Variants in FAAH observed in about 807,000 individuals in gnomAD.
FAAH encodes fatty-acid amide hydrolase 1.
In FAAH, 63 loss-of-function variants were observed where a neutral mutation model predicts 69.7. That is an observed-to-expected ratio of 0.90 (90% CI 0.74 to 1.12). FAAH has a LOEUF of 1.12. Among genes scored for constraint, FAAH ranks in the 50% most tolerant of loss-of-function variants. The pLI is 0.00. For synonymous variants in FAAH, 305 were observed against 324.2 expected, an observed-to-expected ratio of 0.94 and a Z score of 0.64; for missense variants, 680 against 755.0, an observed-to-expected ratio of 0.90 and a Z score of 1.16.
chr1:46,413,620 C>T lies in FAAH; in HGVS notation c.*45C>T. 1 of 1,613,326 alleles carries T rather than the reference C, an allele frequency of 6.2e-7. No homozygotes were observed. Among genetic ancestry groups the T allele is most frequent in the East Asian group, 2.2e-5 (1 of 44,874 alleles). On this transcript the variant is annotated 3_prime_UTR_variant, in exon 15 of 15. Coordinates refer to ENST00000243167, the MANE Select transcript of FAAH (RefSeq NM_001441.3). ...CCTGAGACTCACACTCTCTGCAGCCCAGCCTAGTCAGGGCACAGCTGCCCT... is the reference window on the plus strand; with the variant it reads ...CCTGAGACTCACACTCTCTGCAGCCTAGCCTAGTCAGGGCACAGCTGCCCT...
At chr1:46,412,359 G>T (rs1172451821) in intron 13 of FAAH, 108 bp downstream of exon 13, 2 of 947,620 alleles carry the variant, frequency 2.1e-6, no homozygotes, top group Middle Eastern at 3.0e-4. Context: ...CCCTCTCGGG[G>T]CCCACAGTCT....
intron 7 of FAAH, 127 bp from the exon 8 acceptor site, chr1:46,408,332 G>A: frequency 1.6e-6 from 2 of 1,249,044 alleles, no homozygotes; most frequent in South Asian, 2.4e-5. Context: ...AGATGCAGAA[G>A]GGGCTGGCCT....
At position 46,405,386 on chromosome 1, in the gene FAAH, G is replaced by T. The variant is rs771224976; in HGVS notation, c.459G>T (p.Thr153=). Residue 153 remains threonine, a synonymous_variant, in exon 4 of 15, where the codon ACG becomes ACT. Coordinates refer to ENST00000243167, the MANE Select transcript of FAAH (RefSeq NM_001441.3). The surrounding 1 kb of genome is among the most constrained non-coding windows in gnomAD (Gnocchi z 4.1). The part of the protein sequence containing the change: ...ECFTYKGQDS[T]LGLSLNEGVP... ...CCTCCTCCCAGGGCCAGGACTCCAC[G>T]CTGGGCTTGAGCCTGAATGAAGGGG... 8 of 1,611,384 alleles carry T rather than the reference G, an allele frequency of 5.0e-6. No individual in the cohort carries two copies. The Admixed American group carries it at 6.7e-5, about 13-fold the overall frequency.
chr1:46,403,287 T>C (rs1296940720), intron 2 of FAAH, among the ~76,000 whole-genome samples: 4 of 152,048 alleles, frequency 2.6e-5, no homozygotes, highest in Admixed American at 2.6e-4. Context: ...TGCACCCCCA[T>C]GCTTGGCTAA....
In FAAH at chr1:46,410,798, C is replaced by A; in HGVS notation, c.1276-16C>A. ...GCCCAGAGCTGAGTCACCGACCCTG[C>A]GTCTGTCCTGTGCAGCTGCCAAGGC... On this transcript the variant is annotated splice_polypyrimidine_tract_variant and intron_variant, in intron 10 of 14. Transcript: ENST00000243167. The surrounding 1 kb of genome is among the most constrained non-coding windows in gnomAD (Gnocchi z 4.9). 6.2e-7 allele frequency: 1 copy of A among 1,614,146 alleles called. No individual in the cohort carries two copies. The highest frequency in any genetic ancestry group is 8.5e-7 in the Non-Finnish European group (1 of 1,180,004).
chr1:46,399,189 G>T (rs1228001311), intron 1 of FAAH, among the ~76,000 whole-genome samples: 2 of 152,200 alleles, frequency 1.3e-5, no homozygotes, highest in Non-Finnish European at 2.9e-5. Flanking sequence ...TGGCATTGTG[G>T]TTCAGAAGGA....
rs1664958559 is a variant in FAAH at position 46,413,686 on chromosome 1, TCCGTGTCCTCTCCCCCAAC to T, written c.*114_*132del. 6.7e-7 allele frequency: 1 copy of T among 1,499,410 alleles called. No individual in the cohort carries two copies. Among genetic ancestry groups the T allele is most frequent in the Non-Finnish European group, 9.2e-7 (1 of 1,091,548 alleles). The allele number at this position is 1,499,410 out of a possible 1,614,324, so 92.9% of individuals were successfully genotyped here. Reference sequence around the variant, plus strand: ...AAATGTCCTGCATGGGGCAGAGGCTTCCGTGTCCTCTCCCCCAACCCCCTGCAAGAAGCGCCGACTCCCT... The same window carrying T: ...AAATGTCCTGCATGGGGCAGAGGCTTCCCCTGCAAGAAGCGCCGACTCCCT... On this transcript the variant is annotated 3_prime_UTR_variant, in exon 15 of 15. Coordinates refer to ENST00000243167, the MANE Select transcript of FAAH (RefSeq NM_001441.3).
chr1:46,410,318 T>A lies in FAAH; in HGVS notation c.1176-80T>A. 9.4e-7 allele frequency: 1 copy of A among 1,065,298 alleles called. No individual in the cohort carries two copies. The allele number at this position is 1,065,298 out of a possible 1,614,324, so 66.0% of individuals were successfully genotyped here. A position where few individuals can be genotyped will look rare whatever the true frequency, so the allele number is the denominator to read the frequency against. On this transcript the variant is annotated intron_variant, in intron 9 of 14. Transcript: ENST00000243167. This position sits in a 1 kb window ranked among gnomAD's most constrained non-coding sequence, Gnocchi z 4.9. ...GTGGACAGGATCCCTGCATAGAGAA[T>A]GGGATTGCTGTGGGCCGGGCGAGCA...
At chr1:46,406,099 A>T (rs763313736) in intron 6 of FAAH, 21 bp downstream of exon 6, 3 of 1,614,142 alleles carry the variant, frequency 1.9e-6, no homozygotes, top group Non-Finnish European at 2.5e-6. Flanking sequence ...TGGTGCTCTC[A>T]GTGCCCCGAG....
intron 7 of FAAH, among the ~76,000 whole-genome samples, 179 bp from the exon 8 acceptor site, chr1:46,408,280 C>T (rs1200425394): frequency 3.3e-5 from 5 of 152,208 alleles, no homozygotes; most frequent in Admixed American, 1.3e-4. Flanking sequence ...TATCCTTGCT[C>T]TGCCCACCTG....
Position 46,412,139 on chromosome 1 carries a change from G to A in FAAH, c.1357-4G>A, listed in dbSNP as rs370183877. ...TTTCACCTGGTGTGTTGTGTCCTCC[G>A]CAGGTGTACCGCAAAACCGTGATTG... On this transcript the variant is annotated splice_polypyrimidine_tract_variant and splice_region_variant and intron_variant, in intron 12 of 14. Coordinates refer to ENST00000243167, the MANE Select transcript of FAAH (RefSeq NM_001441.3). The A allele has an allele frequency of 3.2e-6, 5 of 1,555,154 alleles. No homozygotes were observed. Among genetic ancestry groups the A allele is most frequent in the African/African-American group, 1.4e-5 (1 of 73,308 alleles).
intron 13 of FAAH, 133 bp from the exon 14 acceptor site, chr1:46,412,942 G>A (rs1664942513): frequency 1.8e-6 from 2 of 1,106,070 alleles, no homozygotes; most frequent in South Asian, 2.7e-5. Context: ...TTGTCACTCA[G>A]ACCTCAGTCC....
At chr1:46,413,026 G>A (rs766348917) in intron 13 of FAAH, 49 bp from the exon 14 acceptor site, 1 of 1,611,242 alleles carries the variant, frequency 6.2e-7, no homozygotes, top group Non-Finnish European at 8.5e-7. Context: ...CCCGGAGTTG[G>A]CACTGAAGAT....
In FAAH at chr1:46,405,829, C is replaced by CTG. The variant is rs1664783998; in HGVS notation, c.785+40_785+41dup. On this transcript the variant is annotated intron_variant, in intron 5 of 14. Coordinates refer to ENST00000243167, the MANE Select transcript of FAAH (RefSeq NM_001441.3). This position sits in a 1 kb window ranked among gnomAD's most constrained non-coding sequence, Gnocchi z 4.1. The stretch of plus-strand genomic sequence containing the variant: ...GTGGAGGGCGCTTCTGGGCCCCTCG[C>CTG]TGTGTGACCTTGGCCTAGCTTCCAA... The CTG allele has an allele frequency of 6.2e-7, 1 of 1,611,106 alleles. No individual in the cohort carries two copies. The highest frequency in any genetic ancestry group is 1.1e-5 in the South Asian group (1 of 90,888).
At chr1:46,400,731 G>A (rs1664683074) in intron 1 of FAAH, among the ~76,000 whole-genome samples, 1 of 140,308 alleles carries the variant, frequency 7.1e-6, no homozygotes, top group Non-Finnish European at 1.5e-5. Flanking sequence ...CATTGCCTCG[G>A]GCTGGGTAGG....
rs1203376663 is a variant in FAAH, at chr1:46,394,334, C to G, written c.-15C>G. ...CTTCAACTGTCGCGGTAGGCAGCAG[C>G]AGGCTGAAGGGATCATGGTGCAGTA... On this transcript the variant is annotated 5_prime_UTR_variant, in exon 1 of 15. Transcript: ENST00000243167. 5 of 1,554,596 alleles carry G rather than the reference C, an allele frequency of 3.2e-6. No homozygotes were observed. The East Asian group carries it at 1.3e-4, about 39-fold the overall frequency.
chr1:46,396,932 A>G (rs186103670), intron 1 of FAAH, among the ~76,000 whole-genome samples: 82 of 152,356 alleles, frequency 5.4e-4, no homozygotes, highest in African/African-American at 1.8e-3. Context: ...TTAGTAAGAT[A>G]AAAAATATAT....
intron 1 of FAAH, among the ~76,000 whole-genome samples, chr1:46,400,863 A>G (rs1229089895): frequency 8.1e-5 from 1 of 12,298 alleles, no homozygotes; most frequent in Non-Finnish European, 1.5e-4. Flanking sequence ...TAGAGGGGAG[A>G]AGGGGAAGCA....
At chr1:46,412,984 A>G in intron 13 of FAAH, 91 bp from the exon 14 acceptor site, 2 of 1,473,326 alleles carry the variant, frequency 1.4e-6, no homozygotes, top group Non-Finnish European at 9.4e-7. Flanking sequence ...CTGTAGACAC[A>G]GGGTGCCATT....
Sources: allele counts gnomAD v4.1 joint callset (sites outside exome capture counted in the v4.1 genomes callset), GRCh38; gene constraint gnomAD v4.1.1; non-coding constraint Gnocchi (gnomAD v3.1); transcripts MANE v1.5; gene names NCBI Gene and HGNC (gene_info 2026-07-23, HGNC 2026-07-21).